Variants in GFOD1 observed in about 807,000 individuals in gnomAD.
The protein encoded by GFOD1 is glucose-fructose oxidoreductase domain-containing protein 1.
A neutral mutation model predicts 25.4 loss-of-function variants in GFOD1; 9 were observed. The observed-to-expected ratio is 0.35, with a 90% confidence interval of 0.21 to 0.62. The LOEUF (loss-of-function observed/expected upper bound fraction) is 0.62, where lower values mean the gene tolerates loss of function less well. Among genes scored for constraint, GFOD1 ranks in the 20% least tolerant of loss-of-function variants. The probability of loss-of-function intolerance (pLI) is 0.72; values close to 1 mark genes in which losing one functional copy is unlikely to be tolerated. For missense variants in GFOD1, 403 were observed against 556.9 expected (o/e 0.72, Z 2.78); for synonymous variants, 253 against 245.6 (o/e 1.03, Z -0.28).
rs112075901 is a variant in GFOD1 at position 13,430,234 on chromosome 6, C to T, written c.253+56404G>A. ...GGTGGATGACTTGAGGCCAGGAGTT[C>T]GAGACCAGCCTGGCCAATGTGGCGA... On this transcript the variant is annotated intron_variant, in intron 1 of 1. Coordinates refer to ENST00000379287, the MANE Select transcript of GFOD1 (RefSeq NM_018988.4). The surrounding 1 kb of genome is among the most constrained non-coding windows in gnomAD (Gnocchi z 4.1). 0.019 allele frequency among the ~76,000 whole-genome samples: 2,857 copies of T among 152,076 alleles called. 87 individuals are homozygous for T. The highest frequency in any genetic ancestry group is 0.062 in the African/African-American group (2,576 of 41,474).
chr6:13,409,163 A>AAAGG lies in GFOD1; in HGVS notation c.254-43505_254-43502dup, dbSNP rs1562209491. The stretch of plus-strand genomic sequence containing the variant: ...AAAGAAAGAAAGAGAGGAAAGAAAG[A>AAAGG]AAGGAAAGAGAGAGAGAGAGAGAAA... On this transcript the variant is annotated intron_variant, in intron 1 of 1. Coordinates refer to ENST00000379287, the MANE Select transcript of GFOD1 (RefSeq NM_018988.4). Among the ~76,000 whole-genome samples the AAAGG allele has an allele frequency of 2.3e-4, 14 of 61,358 alleles. 1 individual carries two copies. Among genetic ancestry groups the AAAGG allele is most frequent in the African/African-American group, 1.3e-3 (14 of 10,974 alleles). The allele number at this position is 61,358 out of a possible 152,430, so 40.3% of individuals were successfully genotyped here. A position where few individuals can be genotyped will look rare whatever the true frequency, so the allele number is the denominator to read the frequency against.
At chr6:13,409,130 A>AAAGAAAGAAAGAAAGG (rs1786004857) in intron 1 of GFOD1, among the ~76,000 whole-genome samples, 1 of 47,244 alleles carries the variant, frequency 2.1e-5, no homozygotes, top group African/African-American at 4.3e-5. Context: ...AGAAAGAAAG[A>AAAGAAAGAAAGAAAGG]AAGAAAGAAA....
intron 1 of GFOD1, among the ~76,000 whole-genome samples, chr6:13,396,848 T>TAC (rs2127562486): frequency 6.6e-6 from 1 of 152,330 alleles, no homozygotes; most frequent in Non-Finnish European, 1.5e-5. Flanking sequence ...GAATTTAGAC[T>TAC]TTCTACCTCT....
chr6:13,470,635 T>C lies in GFOD1; in HGVS notation c.253+16003A>G. ...TCTTCCTCTGATGTCCTGGTTCTGT[T>C]GGAAAGGGAGAAGAGACAGAGAAGA... is the stretch of plus-strand genomic sequence containing the variant. On this transcript the variant is annotated intron_variant, in intron 1 of 1. Transcript: ENST00000379287. 3 of 1,462,446 alleles carry C rather than the reference T, an allele frequency of 2.1e-6. No homozygotes were observed. The South Asian group carries it at 4.3e-5, about 21-fold the overall frequency. The allele number at this position is 1,462,446 out of a possible 1,614,324, so 90.6% of individuals were successfully genotyped here.
chr6:13,364,398 T>C lies in GFOD1; in HGVS notation c.*345A>G, dbSNP rs1424547956. On this transcript the variant is annotated 3_prime_UTR_variant, in exon 2 of 2. Coordinates refer to ENST00000379287, the MANE Select transcript of GFOD1 (RefSeq NM_018988.4). The surrounding 1 kb of genome is among the most constrained non-coding windows in gnomAD (Gnocchi z 4.1). ...TTGGCTTGCAGAAGGCCAAGGTGTG[T>C]GGGATGGATGAGGTAGGGAGGGAAG... 1 of 273,426 alleles carries C rather than the reference T, an allele frequency of 3.7e-6. No homozygotes were observed. Among genetic ancestry groups the C allele is most frequent in the Non-Finnish European group, 7.0e-6 (1 of 142,380 alleles). The allele number at this position is 273,426 out of a possible 1,614,324, so 16.9% of individuals were successfully genotyped here.
rs1562234841 is a variant in GFOD1 at position 13,486,984 on chromosome 6, G to A, written c.-94C>T. On this transcript the variant is annotated 5_prime_UTR_variant, in exon 1 of 2. Coordinates refer to ENST00000379287, the MANE Select transcript of GFOD1 (RefSeq NM_018988.4). ...CTAGCCAGTCCTGCACCCCGCTCCTGTAGCCAATCTAGCCGCGGTGCGCCA... is the reference window on the plus strand; with the variant it reads ...CTAGCCAGTCCTGCACCCCGCTCCTATAGCCAATCTAGCCGCGGTGCGCCA... The A allele has an allele frequency of 6.9e-7, 1 of 1,440,708 alleles. No homozygotes were observed. Among genetic ancestry groups the A allele is most frequent in the Non-Finnish European group, 9.3e-7 (1 of 1,075,302 alleles). 89.2% of individuals were successfully genotyped at this position (1,440,708 alleles called of 1,614,324 possible).
At chr6:13,427,750 G>A (rs1757666649) in intron 1 of GFOD1, among the ~76,000 whole-genome samples, 2 of 152,146 alleles carry the variant, frequency 1.3e-5, no homozygotes, top group Admixed American at 6.5e-5. Flanking sequence ...TATCCCATGC[G>A]ATAATAAAGG....
intron 1 of GFOD1, chr6:13,469,998 T>C (rs371631933): frequency 3.0e-6 from 4 of 1,328,368 alleles, no homozygotes; most frequent in African/African-American, 1.5e-5. Context: ...CCATATCTTA[T>C]ATGCCTTTGA....
At chr6:13,443,960 C>A (rs6931287) in intron 1 of GFOD1, among the ~76,000 whole-genome samples, 140,020 of 152,140 alleles carry the variant, frequency 0.92, 65,460 homozygotes, top group East Asian at 1. Flanking sequence ...GATGATCATT[C>A]GCATTTTGTA....
chr6:13,486,823 T>C lies in GFOD1; in HGVS notation c.68A>G (p.Asp23Gly). ...TARVIIPLLK[D>G]EGFAVKALWG... is the part of the protein sequence containing the mutation. ...CAGCGCCTTCACCGCGAAGCCCTCG[T>C]CTTTCAGCAGCGGGATGATGACACG... The change falls in exon 1 of 2, where the codon GAC (aspartate) becomes GGC (glycine). Residue 23 changes from aspartate to glycine, a missense_variant. Transcript: ENST00000379287. 1 of 1,613,842 alleles carries C rather than the reference T, an allele frequency of 6.2e-7. No individual in the cohort carries two copies. The highest frequency in any genetic ancestry group is 8.5e-7 in the Non-Finnish European group (1 of 1,179,966).
intron 1 of GFOD1, among the ~76,000 whole-genome samples, chr6:13,425,334 G>A (rs1786333523): frequency 6.6e-6 from 1 of 152,086 alleles, no homozygotes; most frequent in Non-Finnish European, 1.5e-5. Flanking sequence ...TGAGAAAACT[G>A]AGATCGGAAA....
At chr6:13,388,034 T>C (rs1163370715) in intron 1 of GFOD1, among the ~76,000 whole-genome samples, 7 of 152,086 alleles carry the variant, frequency 4.6e-5, no homozygotes, top group African/African-American at 1.7e-4. Context: ...GAGAATAAAA[T>C]ACCTAGGAAT....
intron 1 of GFOD1, among the ~76,000 whole-genome samples, chr6:13,429,399 A>G (rs1179882644): frequency 1.3e-5 from 2 of 152,230 alleles, no homozygotes; most frequent in African/African-American, 2.4e-5. Context: ...TAAGAACGAC[A>G]AACTATTGAA....
chr6:13,391,476 C>T (rs1369255346), intron 1 of GFOD1, among the ~76,000 whole-genome samples: 3 of 123,286 alleles, frequency 2.4e-5, no homozygotes, highest in Non-Finnish European at 3.1e-5. Flanking sequence ...CTAGCCTGGG[C>T]GACAGAGCGA....
Position 13,365,026 on chromosome 6 carries a change from T to C in GFOD1, c.890A>G (p.Asp297Gly). Residue 297 changes from aspartate to glycine, a missense_variant, in exon 2 of 2, where the codon GAC becomes GGC. By Grantham distance (94) the Asp-to-Gly change is moderately conservative. Transcript: ENST00000379287. The surrounding 1 kb of genome is among the most constrained non-coding windows in gnomAD (Gnocchi z 9.2). Reference sequence around the variant, plus strand: ...GCCGCGCAGGTAGGGCGAGGGGATGTCGCTGAAGGCCTTCTCCGGAAGCAG... The same window carrying C: ...GCCGCGCAGGTAGGGCGAGGGGATGCCGCTGAAGGCCTTCTCCGGAAGCAG... ...NSLLPEKAFS[D>G]IPSPYLRGTI... The C allele has an allele frequency of 6.2e-7, 1 of 1,610,420 alleles. No homozygotes were observed. The highest frequency in any genetic ancestry group is 8.5e-7 in the Non-Finnish European group (1 of 1,179,918).
At chr6:13,434,341 G>A (rs999121471) in intron 1 of GFOD1, among the ~76,000 whole-genome samples, 16 of 142,618 alleles carry the variant, frequency 1.1e-4, no homozygotes, top group Non-Finnish European at 2.3e-4. Flanking sequence ...GGAATATAGA[G>A]GTCAAGTTCA....
chr6:13,447,480 T>C (rs1406678427), intron 1 of GFOD1, among the ~76,000 whole-genome samples: 1 of 152,104 alleles, frequency 6.6e-6, no homozygotes, highest in East Asian at 1.9e-4. Flanking sequence ...CTCACGCCTG[T>C]AATTCCAACA....
chr6:13,486,581 C>A, intron 1 of GFOD1, 57 bp downstream of exon 1: 1 of 1,421,620 alleles, frequency 7.0e-7, no homozygotes, highest in Non-Finnish European at 9.7e-7. Context: ...GGGAAGGAAC[C>A]TAGAGAAGGT....
In GFOD1 at chr6:13,438,240, G is replaced by A. The variant is rs569704003; in HGVS notation, c.253+48398C>T. 3.0e-4 allele frequency among the ~76,000 whole-genome samples: 45 copies of A among 152,296 alleles called. No homozygotes were observed. The South Asian group carries it at 3.5e-3, about 12-fold the overall frequency. ...CCCTGAATACCCCCAGTGCACAGTTGTGATCTTCTGTTAAAACTTAGAATA... is the reference window on the plus strand; with the variant it reads ...CCCTGAATACCCCCAGTGCACAGTTATGATCTTCTGTTAAAACTTAGAATA... On this transcript the variant is annotated intron_variant, in intron 1 of 1. Transcript: ENST00000379287.
Sources: allele counts gnomAD v4.1 joint callset (sites outside exome capture counted in the v4.1 genomes callset), GRCh38; gene constraint gnomAD v4.1.1; non-coding constraint Gnocchi (gnomAD v3.1); transcripts MANE v1.5; gene names NCBI Gene and HGNC (gene_info 2026-07-23, HGNC 2026-07-21).